LRMDA: variants seen among roughly 807,000 people sequenced by gnomAD.
LRMDA encodes the protein leucine rich melanocyte differentiation associated.
In LRMDA, 18 loss-of-function variants were observed where a neutral mutation model predicts 29.8. That is an observed-to-expected ratio of 0.60 (90% CI 0.42 to 0.90). The LOEUF (loss-of-function observed/expected upper bound fraction) is 0.90. Ranked by LOEUF, LRMDA falls within the 40% of genes least tolerant of loss-of-function variation. The pLI, the probability that LRMDA is intolerant of heterozygous loss-of-function variation, is 0.00. For missense variants in LRMDA, 273 were observed against 273.9 expected (o/e 1.00, Z 0.02); for synonymous variants, 125 against 109.4 (o/e 1.14, Z -0.89).
chr10:76,253,590 A>G (rs1160634354), intron 5 of LRMDA, among the ~76,000 whole-genome samples: 1 of 152,078 alleles, frequency 6.6e-6, no homozygotes, highest in South Asian at 2.1e-4. Flanking sequence ...CTAGCTCTTA[A>G]AAGTTGCTAC....
chr10:76,390,113 C>A (rs2132482502), intron 6 of LRMDA, among the ~76,000 whole-genome samples: 1 of 152,294 alleles, frequency 6.6e-6, no homozygotes, highest in East Asian at 1.9e-4. Context: ...ACCAACAATG[C>A]ACATGATTCC....
chr10:75,819,984 A>G (rs1844129242), intron 2 of LRMDA, among the ~76,000 whole-genome samples: 1 of 152,230 alleles, frequency 6.6e-6, no homozygotes, highest in South Asian at 2.1e-4. Context: ...CTAAATATAC[A>G]TGCACCAAAT....
intron 2 of LRMDA, among the ~76,000 whole-genome samples, chr10:75,932,428 A>G (rs529468575): frequency 2.0e-5 from 3 of 152,160 alleles, no homozygotes; most frequent in Admixed American, 6.5e-5. Context: ...GCCTGGCAAC[A>G]TGGGGAGACT....
intron 5 of LRMDA, among the ~76,000 whole-genome samples, chr10:76,235,924 C>T (rs918559393): frequency 6.6e-5 from 10 of 152,150 alleles, no homozygotes; most frequent in Non-Finnish European, 1.2e-4. Context: ...GAGCTACTTC[C>T]GTGTGTGCAG....
intron 2 of LRMDA, among the ~76,000 whole-genome samples, chr10:75,927,828 G>A (rs1480393672): frequency 2.0e-5 from 3 of 152,128 alleles, no homozygotes; most frequent in Non-Finnish European, 4.4e-5. Context: ...ATGGATTCTG[G>A]AGCCCAGCAG....
At position 75,469,192 on chromosome 10, in the gene LRMDA, A is replaced by G. The variant is rs183480876; in HGVS notation, c.131+30698A>G. ...TCCAAGAAATCTGCTGACATTTTAA[A>G]GGAAAAAAAAAGAGAGAGATGATTT... On this transcript the variant is annotated intron_variant, in intron 2 of 6. Coordinates refer to ENST00000611255, the MANE Select transcript of LRMDA (RefSeq NM_001305581.2). Among the ~76,000 whole-genome samples the G allele has an allele frequency of 4.1e-3, 630 of 152,116 alleles. 2 individuals are homozygous for G. The highest frequency in any genetic ancestry group is 0.027 in the Middle Eastern group (8 of 294).
At chr10:75,640,070 C>A (rs1841433792) in intron 2 of LRMDA, among the ~76,000 whole-genome samples, 1 of 152,052 alleles carries the variant, frequency 6.6e-6, no homozygotes, top group African/African-American at 2.4e-5. Context: ...GAAAGATAGG[C>A]AGAACAGGAA....
At chr10:76,010,687 C>T (rs1000379586) in intron 2 of LRMDA, among the ~76,000 whole-genome samples, 4 of 152,230 alleles carry the variant, frequency 2.6e-5, no homozygotes, top group African/African-American at 9.6e-5. Context: ...CCCACTCCCC[C>T]TCTCATGCCT....
At chr10:75,582,733 A>C (rs1397868094) in intron 2 of LRMDA, among the ~76,000 whole-genome samples, 1 of 152,146 alleles carries the variant, frequency 6.6e-6, no homozygotes, top group African/African-American at 2.4e-5. Context: ...TTTCTTTTTT[A>C]CTACATGGCC....
chr10:75,646,828 T>C (rs1841527893), intron 2 of LRMDA, among the ~76,000 whole-genome samples: 1 of 152,146 alleles, frequency 6.6e-6, no homozygotes, highest in South Asian at 2.1e-4. Flanking sequence ...TATTGGAAGG[T>C]ACTAACGAAG....
At chr10:76,518,494 T>C (rs1393308851) in intron 6 of LRMDA, among the ~76,000 whole-genome samples, 1 of 152,132 alleles carries the variant, frequency 6.6e-6, no homozygotes, top group Admixed American at 6.5e-5. Context: ...AATATTATAT[T>C]TCATCATACC....
At chr10:75,924,694 C>G (rs1846088548) in intron 2 of LRMDA, among the ~76,000 whole-genome samples, 1 of 150,628 alleles carries the variant, frequency 6.6e-6, no homozygotes, top group African/African-American at 2.4e-5. Flanking sequence ...CTCAGCCGTG[C>G]TGAAAGAGGA....
intron 2 of LRMDA, among the ~76,000 whole-genome samples, chr10:75,694,277 C>G (rs907764011): frequency 6.6e-6 from 1 of 152,146 alleles, no homozygotes; most frequent in African/African-American, 2.4e-5. Context: ...ATTTTTAGCT[C>G]TCTAGAGTTG....
chr10:75,787,948 G>T (rs1444432716), intron 2 of LRMDA, among the ~76,000 whole-genome samples: 3 of 152,220 alleles, frequency 2.0e-5, no homozygotes, highest in Admixed American at 2.0e-4. Flanking sequence ...AGAATGGCGT[G>T]AACCCAGGAG....
At chr10:75,692,172 A>G (rs980410319) in intron 2 of LRMDA, among the ~76,000 whole-genome samples, 1 of 147,812 alleles carries the variant, frequency 6.8e-6, no homozygotes, top group Admixed American at 6.8e-5. Flanking sequence ...ACTGTACTCC[A>G]GCCTGGGCAA....
chr10:75,621,173 C>A (rs1589137562), intron 2 of LRMDA, among the ~76,000 whole-genome samples: 3 of 150,976 alleles, frequency 2.0e-5, no homozygotes, highest in South Asian at 2.1e-4. Flanking sequence ...TATTTCGTTC[C>A]TTTTTATGGC....
chr10:75,928,142 A>T (rs1846150742), intron 2 of LRMDA, among the ~76,000 whole-genome samples: 1 of 152,084 alleles, frequency 6.6e-6, no homozygotes, highest in African/African-American at 2.4e-5. Context: ...TGGAGCCTGA[A>T]ATGTGGCCAC....
chr10:75,572,705 C>G (rs1256847179), intron 2 of LRMDA, among the ~76,000 whole-genome samples: 7 of 152,128 alleles, frequency 4.6e-5, no homozygotes, highest in Admixed American at 6.5e-5. Context: ...CTATTTTTCT[C>G]TGAACACTTT....
intron 2 of LRMDA, among the ~76,000 whole-genome samples, chr10:75,581,352 C>T (rs547330764): frequency 2.0e-4 from 30 of 152,038 alleles, no homozygotes; most frequent in Non-Finnish European, 4.1e-4. Flanking sequence ...AATGCAAATC[C>T]AAACCACAAT....
Sources: gnomAD v4.1 joint callset for allele counts (sites outside exome capture counted in the v4.1 genomes callset) on GRCh38, gnomAD v4.1.1 for gene constraint, MANE v1.5 for transcripts, NCBI Gene and HGNC (gene_info 2026-07-23, HGNC 2026-07-21) for gene names.